Variants in SCD5 observed in about 807,000 individuals in gnomAD.
SCD5 encodes stearoyl-CoA desaturase 5.
A neutral mutation model predicts 30.4 loss-of-function variants in SCD5; 20 were observed. The ratio of observed to expected loss-of-function variants is 0.66; its 90% CI spans 0.46 to 0.96. The LOEUF is 0.96. SCD5 is among the 40% of genes least tolerant of loss of function. The pLI, the probability that SCD5 is intolerant of heterozygous loss-of-function variation, is 0.00. For missense variants in SCD5, 381 were observed against 443.3 expected (o/e 0.86, Z 1.26); for synonymous variants, 173 against 176.4 (o/e 0.98, Z 0.16).
At chr4:82,702,475 C>T (rs1330703196) in intron 2 of SCD5, among the ~76,000 whole-genome samples, 3 of 151,992 alleles carry the variant, frequency 2.0e-5, no homozygotes, top group Admixed American at 2.0e-4. Flanking sequence ...AAAAGTATCT[C>T]CACCTTTCCT....
At chr4:82,663,346 G>C (rs1728061312) in intron 3 of SCD5, among the ~76,000 whole-genome samples, 1 of 152,174 alleles carries the variant, frequency 6.6e-6, no homozygotes, top group South Asian at 2.1e-4. Context: ...ACACAAAAGA[G>C]TTTGTATTCA....
intron 1 of SCD5, among the ~76,000 whole-genome samples, chr4:82,780,383 C>T (rs1478226038): frequency 6.6e-6 from 1 of 152,204 alleles, no homozygotes; most frequent in African/African-American, 2.4e-5. Context: ...CCTTCTAGAT[C>T]TCGTGAGTAG....
intron 1 of SCD5, among the ~76,000 whole-genome samples, chr4:82,707,136 T>C (rs150402085): frequency 1.3e-5 from 2 of 152,336 alleles, no homozygotes; most frequent in East Asian, 3.9e-4. Context: ...GCATCTGAGG[T>C]AATGAAATAT....
At chr4:82,796,035 C>T (rs1442200381) in intron 1 of SCD5, among the ~76,000 whole-genome samples, 1 of 151,710 alleles carries the variant, frequency 6.6e-6, no homozygotes, top group African/African-American at 2.4e-5. Context: ...GTTTAGGAGG[C>T]TGAGGTGGGT....
chr4:82,702,725 T>A (rs1371721218), intron 2 of SCD5, among the ~76,000 whole-genome samples: 2 of 152,272 alleles, frequency 1.3e-5, no homozygotes, highest in South Asian at 2.1e-4. Context: ...AAACTATCTT[T>A]AAAAACCCAT....
chr4:82,644,675 G>C (rs1446545919), intron 3 of SCD5, among the ~76,000 whole-genome samples: 2 of 152,180 alleles, frequency 1.3e-5, no homozygotes, highest in African/African-American at 4.8e-5. Flanking sequence ...GACTGCTTTT[G>C]GGTTCTTCAT....
rs1719551028 is a variant in SCD5 at position 82,692,273 on chromosome 4, C to G, written c.364-11361G>C. The stretch of plus-strand genomic sequence containing the variant: ...CATGGGTCCTGAGGACATGAGCATC[C>G]AGAGCACTCATGAGGACAAGGGCAG... On this transcript the variant is annotated intron_variant, in intron 2 of 4. Transcript: ENST00000319540. 9 of 154,082 alleles carry G rather than the reference C, an allele frequency of 5.8e-5. No individual in the cohort carries two copies. In the South Asian group the frequency reaches 1.6e-3, roughly 28 times the overall value. 9.5% of individuals were successfully genotyped at this position (154,082 alleles called of 1,614,324 possible). A position where few individuals can be genotyped will look rare whatever the true frequency, so the allele number is the denominator to read the frequency against.
chr4:82,677,241 T>C (rs1423433910), intron 3 of SCD5, among the ~76,000 whole-genome samples: 5 of 152,172 alleles, frequency 3.3e-5, no homozygotes, highest in Non-Finnish European at 5.9e-5. Flanking sequence ...AGCTGTGAAT[T>C]CTGATTGCCT....
At chr4:82,634,954 C>A (rs1727393578) in intron 4 of SCD5, among the ~76,000 whole-genome samples, 2 of 152,244 alleles carry the variant, frequency 1.3e-5, no homozygotes, top group Admixed American at 6.5e-5. Flanking sequence ...AGTGTTCACT[C>A]CACCTTCTAT....
intron 1 of SCD5, among the ~76,000 whole-genome samples, chr4:82,780,710 T>C (rs1352345769): frequency 6.6e-6 from 1 of 152,266 alleles, no homozygotes; most frequent in African/African-American, 2.4e-5. Flanking sequence ...AAAGGGAGAC[T>C]TGGGAGATTA....
chr4:82,764,464 T>C (rs1721444719), intron 1 of SCD5, among the ~76,000 whole-genome samples: 2 of 152,228 alleles, frequency 1.3e-5, no homozygotes, highest in African/African-American at 4.8e-5. Flanking sequence ...TTCCATTTTA[T>C]TGCCTTTATT....
At chr4:82,788,299 A>G (rs1722026434) in intron 1 of SCD5, among the ~76,000 whole-genome samples, 1 of 152,210 alleles carries the variant, frequency 6.6e-6, no homozygotes, top group Non-Finnish European at 1.5e-5. Flanking sequence ...GAAAGTGTCC[A>G]ACCCTGATCA....
intron 1 of SCD5, among the ~76,000 whole-genome samples, chr4:82,707,407 C>T (rs750147094): frequency 3.9e-5 from 6 of 152,328 alleles, no homozygotes; most frequent in South Asian, 2.1e-4. Context: ...AACTCACGGA[C>T]GGTCCTGCAG....
chr4:82,715,144 C>T (rs1043717726), intron 1 of SCD5, among the ~76,000 whole-genome samples: 6 of 150,238 alleles, frequency 4.0e-5, no homozygotes, highest in African/African-American at 1.5e-4. Context: ...GGCTGAGGCA[C>T]GAGAATTGCT....
chr4:82,717,956 A>G (rs1268703199), intron 1 of SCD5, among the ~76,000 whole-genome samples: 1 of 111,616 alleles, frequency 9.0e-6, no homozygotes, highest in African/African-American at 4.6e-5. Flanking sequence ...GTCCCTCTGA[A>G]GGAAGATAAA....
chr4:82,759,306 C>T (rs1721297667), intron 1 of SCD5, among the ~76,000 whole-genome samples: 1 of 152,188 alleles, frequency 6.6e-6, no homozygotes, highest in Non-Finnish European at 1.5e-5. Flanking sequence ...GTCTTTTTCC[C>T]CACCATGTGG....
chr4:82,651,723 G>A (rs1727757649), intron 3 of SCD5, among the ~76,000 whole-genome samples: 1 of 152,154 alleles, frequency 6.6e-6, no homozygotes, highest in Non-Finnish European at 1.5e-5. Context: ...AGACCAGCCT[G>A]GCCAACATGG....
At chr4:82,769,639 G>C (rs539780335) in intron 1 of SCD5, among the ~76,000 whole-genome samples, 1 of 152,112 alleles carries the variant, frequency 6.6e-6, no homozygotes, top group Non-Finnish European at 1.5e-5. Context: ...CTGCAAAGTG[G>C]TTAAAAATGC....
At chr4:82,760,541 G>A (rs1005231476) in intron 1 of SCD5, among the ~76,000 whole-genome samples, 2 of 151,954 alleles carry the variant, frequency 1.3e-5, no homozygotes, top group African/African-American at 2.4e-5. Context: ...TTCTACACAC[G>A]CACCACCACA....
Sources: gnomAD v4.1 joint callset for allele counts (sites outside exome capture counted in the v4.1 genomes callset) on GRCh38, gnomAD v4.1.1 for gene constraint, MANE v1.5 for transcripts, NCBI Gene and HGNC (gene_info 2026-07-23, HGNC 2026-07-21) for gene names.